Variants in MKLN1 observed in about 807,000 individuals in gnomAD.
The protein encoded by MKLN1 is muskelin 1, also known as muskelin.
In MKLN1, 18 loss-of-function variants were observed where a neutral mutation model predicts 99.0. The observed-to-expected ratio is 0.18, with a 90% CI of 0.13 to 0.27. The LOEUF is 0.27. MKLN1 is among the 10% of genes least tolerant of loss of function. The pLI, the probability that MKLN1 is intolerant of heterozygous loss-of-function variation, is 1.00. For synonymous variants in MKLN1, 288 were observed against 293.2 expected (o/e 0.98, Z 0.18); for missense variants, 621 against 875.9 (o/e 0.71, Z 3.67).
rs1298160618 is a variant in MKLN1 at position 131,489,245 on chromosome 7, G to T, written c.*1517G>T. 6.6e-6 allele frequency: 1 copy of T among 152,088 alleles called. No homozygotes were observed. Among genetic ancestry groups the T allele is most frequent in the African/African-American group, 2.4e-5 (1 of 41,418 alleles). 9.4% of individuals were successfully genotyped at this position (152,088 alleles called of 1,614,324 possible). A position where few individuals can be genotyped will look rare whatever the true frequency, so the allele number is the denominator to read the frequency against. ...CATGGTTTTACTTATTTTGGGGATG[G>T]ATAGAAATATATTTTTGCTAGTTCT... On this transcript the variant is annotated 3_prime_UTR_variant, in exon 18 of 18. Coordinates refer to ENST00000352689, the MANE Select transcript of MKLN1 (RefSeq NM_013255.5).
At chr7:131,174,725 A>AATAT (rs1377484706) in intron 2 of MKLN1, among the ~76,000 whole-genome samples, 6 of 152,206 alleles carry the variant, frequency 3.9e-5, no homozygotes, top group Non-Finnish European at 8.8e-5. Context: ...TGATTGTTTT[A>AATAT]ATATAGTTCT....
chr7:131,297,135 G>A (rs140344075), intron 3 of MKLN1, among the ~76,000 whole-genome samples: 3 of 152,098 alleles, frequency 2.0e-5, no homozygotes, highest in African/African-American at 4.8e-5. Context: ...GGCAGATCAC[G>A]AGGAGATTGA....
In MKLN1 at chr7:131,273,722, T is replaced by C. The variant is rs531228317; in HGVS notation, c.-179+70748T>C. Reference sequence around the variant, plus strand: ...TCATTGCAGCTTTGACTTCCTAGGCTCAAGTGATCCCCCCACCTCAGGCTC... The same window carrying C: ...TCATTGCAGCTTTGACTTCCTAGGCCCAAGTGATCCCCCCACCTCAGGCTC... On this transcript the variant is annotated intron_variant, in intron 3 of 7. Coordinates refer to the MKLN1 transcript ENST00000416992. Among the ~76,000 whole-genome samples, 13 of 151,292 alleles carry C rather than the reference T, an allele frequency of 8.6e-5. No individual in the cohort carries two copies. The East Asian group carries it at 2.5e-3, about 30-fold the overall frequency.
intron 2 of MKLN1, among the ~76,000 whole-genome samples, chr7:131,383,918 C>T (rs1793925447): frequency 6.6e-6 from 1 of 152,182 alleles, no homozygotes. Context: ...TTCTTTTAAT[C>T]CGCTCTCTGT....
intron 3 of MKLN1, among the ~76,000 whole-genome samples, chr7:131,254,899 A>T (rs1416277397): frequency 1.4e-5 from 2 of 146,206 alleles, no homozygotes; most frequent in African/African-American, 2.5e-5. Context: ...AATGGCTGAA[A>T]TTTTTTTTTT....
At chr7:131,221,845 C>T (rs1797065446) in intron 3 of MKLN1, among the ~76,000 whole-genome samples, 1 of 151,106 alleles carries the variant, frequency 6.6e-6, no homozygotes, top group Non-Finnish European at 1.5e-5. Context: ...AAATGTAACA[C>T]TTAAATAGTT....
chr7:131,330,410 G>A (rs1249665852), intron 1 of MKLN1, among the ~76,000 whole-genome samples: 1 of 152,198 alleles, frequency 6.6e-6, no homozygotes, highest in African/African-American at 2.4e-5. Context: ...CCGTCCATTT[G>A]CTAGGCTCTC....
At chr7:131,338,634 T>A (rs1038221032) in intron 1 of MKLN1, among the ~76,000 whole-genome samples, 14 of 152,236 alleles carry the variant, frequency 9.2e-5, no homozygotes, top group Non-Finnish European at 1.5e-5. Flanking sequence ...TGTGTTTAGT[T>A]CTTTTGGAAT....
chr7:131,479,402 C>T (rs983671434), intron 17 of MKLN1, among the ~76,000 whole-genome samples: 1 of 152,002 alleles, frequency 6.6e-6, no homozygotes, highest in Non-Finnish European at 1.5e-5. Flanking sequence ...TAGTGGTGTG[C>T]GCCCATAGTC....
intron 1 of MKLN1, among the ~76,000 whole-genome samples, chr7:131,357,043 A>G (rs67712729): frequency 0.05 from 7,630 of 152,312 alleles, 256 homozygotes; most frequent in East Asian, 0.19. Flanking sequence ...CAGTTACCCT[A>G]TTCTTACTGT....
chr7:131,359,059 T>C (rs574949312), intron 1 of MKLN1, among the ~76,000 whole-genome samples: 3 of 152,274 alleles, frequency 2.0e-5, no homozygotes, highest in Non-Finnish European at 2.9e-5. Flanking sequence ...TTTTCTGCTT[T>C]GTTTATGCTT....
At chr7:131,370,542 C>G (rs1800317626) in intron 1 of MKLN1, among the ~76,000 whole-genome samples, 1 of 149,632 alleles carries the variant, frequency 6.7e-6, no homozygotes, top group Non-Finnish European at 1.5e-5. Context: ...ACATTGTATA[C>G]TCCTTGGGTA....
intron 15 of MKLN1, 79 bp downstream of exon 15, chr7:131,466,494 T>G (rs1185757599): frequency 2.0e-5 from 20 of 1,019,870 alleles, no homozygotes; most frequent in African/African-American, 4.9e-5. Context: ...AATGAGACAG[T>G]GTAAATACTA....
chr7:131,121,299 A>G (rs1188643115), intron 1 of MKLN1, among the ~76,000 whole-genome samples: 2 of 152,178 alleles, frequency 1.3e-5, no homozygotes, highest in African/African-American at 2.4e-5. Flanking sequence ...ACAATTCAAC[A>G]TGAGATTTGG....
At chr7:131,434,382 C>G (rs1475972726) in intron 9 of MKLN1, among the ~76,000 whole-genome samples, 1 of 152,018 alleles carries the variant, frequency 6.6e-6, no homozygotes, top group East Asian at 1.9e-4. Flanking sequence ...CTTTTACTTT[C>G]CATTTGTTGG....
At chr7:131,285,690 A>G (rs546558733) in intron 3 of MKLN1, among the ~76,000 whole-genome samples, 2 of 152,284 alleles carry the variant, frequency 1.3e-5, no homozygotes, top group East Asian at 3.9e-4. Flanking sequence ...GGCTGAGCTG[A>G]GGGTGTGGTT....
At chr7:131,401,369 A>G (rs893788850) in intron 6 of MKLN1, among the ~76,000 whole-genome samples, 1 of 152,208 alleles carries the variant, frequency 6.6e-6, no homozygotes, top group African/African-American at 2.4e-5. Context: ...TCCAGTGATG[A>G]TAGGCAAAAG....
chr7:131,486,656 C>T (rs1797287148), intron 17 of MKLN1, among the ~76,000 whole-genome samples: 1 of 152,144 alleles, frequency 6.6e-6, no homozygotes, highest in African/African-American at 2.4e-5. Context: ...TTCTGTTTCT[C>T]ATGGCATTTA....
At chr7:131,366,231 A>AT (rs979417319) in intron 1 of MKLN1, among the ~76,000 whole-genome samples, 4 of 151,934 alleles carry the variant, frequency 2.6e-5, no homozygotes, top group African/African-American at 4.8e-5. Context: ...GTTGAAGTTG[A>AT]TTTTTTTTCA....
Sources: allele counts gnomAD v4.1 joint callset (sites outside exome capture counted in the v4.1 genomes callset), GRCh38; gene constraint gnomAD v4.1.1; transcripts MANE v1.5; gene names NCBI Gene and HGNC (gene_info 2026-07-23, HGNC 2026-07-21).